ZNF385C: variants seen among roughly 807,000 people sequenced by gnomAD.
The protein encoded by ZNF385C is zinc finger protein 385C.
ZNF385C carries 28 observed loss-of-function variants against 35.4 expected under a neutral mutation model. That is an observed-to-expected ratio of 0.79 (90% CI 0.59 to 1.08). ZNF385C has a LOEUF of 1.08. ZNF385C is among the 50% of genes least tolerant of loss of function. The pLI is 0.00. For synonymous variants in ZNF385C, 248 were observed against 248.2 expected, an observed-to-expected ratio of 1.00 and a Z score of 0.01; for missense variants, 605 against 595.6, an observed-to-expected ratio of 1.02 and a Z score of -0.16.
rs2053910328 is a variant in ZNF385C, at chr17:42,095,644, G to A, written c.-3+2766C>T. 6.6e-6 allele frequency among the ~76,000 whole-genome samples: 1 copy of A among 152,068 alleles called. No homozygotes were observed. On this transcript the variant is annotated intron_variant, in intron 1 of 8. Transcript: ENST00000692273. The surrounding 1 kb of genome is among the most constrained non-coding windows in gnomAD (Gnocchi z 4.4). Reference sequence around the variant, plus strand: ...TTAAAAAAAAAATTGTCCCAGTTTTGTGGTGGATAATGAGGTCAGGAGGCC... The same window carrying A: ...TTAAAAAAAAAATTGTCCCAGTTTTATGGTGGATAATGAGGTCAGGAGGCC...
chr17:42,069,644 C>G (rs2053595887), intron 1 of ZNF385C, among the ~76,000 whole-genome samples: 2 of 152,246 alleles, frequency 1.3e-5, no homozygotes. Flanking sequence ...TGTCAGCCAA[C>G]AGCCACCCTC....
At chr17:42,083,209 T>G (rs1028792022) in intron 1 of ZNF385C, among the ~76,000 whole-genome samples, 17 of 143,178 alleles carry the variant, frequency 1.2e-4, no homozygotes, top group African/African-American at 3.7e-4. Flanking sequence ...TGTTTTTTTG[T>G]TTTTTTTTTT....
intron 2 of ZNF385C, chr17:42,062,087 G>A (rs2053470484): frequency 6.5e-6 from 1 of 152,936 alleles, no homozygotes; most frequent in Non-Finnish European, 1.5e-5. Flanking sequence ...CCAGGAGCCA[G>A]GGGTAAGTTC....
chr17:42,086,004 G>A lies in ZNF385C; in HGVS notation c.-3+12406C>T, dbSNP rs149639854. Among the ~76,000 whole-genome samples the A allele has an allele frequency of 5.9e-4, 90 of 152,340 alleles. 1 individual carries two copies. The East Asian group carries it at 0.015, about 25-fold the overall frequency. The stretch of plus-strand genomic sequence containing the variant: ...GATTGCTTGAGCCAGGGAGGTTGAG[G>A]CTGCAGTGAGCCATGATTGTGCCAT... On this transcript the variant is annotated intron_variant, in intron 1 of 8. Coordinates refer to ENST00000692273, the MANE Select transcript of ZNF385C (RefSeq NM_001392013.1).
intron 1 of ZNF385C, among the ~76,000 whole-genome samples, chr17:42,096,382 C>T (rs1170029926): frequency 2.6e-5 from 4 of 152,194 alleles, no homozygotes; most frequent in African/African-American, 4.8e-5. Context: ...CTCATCCCCT[C>T]GGCCCTGCTG....
intron 2 of ZNF385C, among the ~76,000 whole-genome samples, chr17:42,057,499 C>CGTGTGTGT (rs202100946): frequency 0.024 from 3,122 of 131,690 alleles, 117 homozygotes; most frequent in Non-Finnish European, 0.032. Context: ...TAGGGGTGTG[C>CGTGTGTGT]GCGCGCGCGC....
chr17:42,045,340 C>T (rs532366511), intron 2 of ZNF385C, among the ~76,000 whole-genome samples: 26 of 152,390 alleles, frequency 1.7e-4, no homozygotes, highest in African/African-American at 6.0e-4. Flanking sequence ...CGTGCGCCAC[C>T]GCGCCTGGCC....
chr17:42,039,851 GC>G (rs1555655901), intron 2 of ZNF385C: 2 of 1,223,410 alleles, frequency 1.6e-6, no homozygotes, highest in Non-Finnish European at 2.0e-6. Context: ...GCCCCACTCT[GC>G]CCCCACCACC....
intron 2 of ZNF385C, chr17:42,040,097 G>A (rs948354510): frequency 2.5e-5 from 31 of 1,231,190 alleles, no homozygotes; most frequent in South Asian, 4.1e-5. Context: ...GCAAAGCCGC[G>A]CAGCAGCACC....
rs182608815 is a variant in ZNF385C, at chr17:42,029,058, G to A, written c.692C>T (p.Pro231Leu). Residue 231 changes from proline to leucine, a missense_variant, in exon 6 of 9, where the codon CCT becomes CTT. Pro to Leu is a moderately conservative substitution (Grantham distance 98). Coordinates refer to ENST00000692273, the MANE Select transcript of ZNF385C (RefSeq NM_001392013.1). Reference protein sequence around the residue: ...EPQSKVPAAPPLGPPLQPPPT... With the variant: ...EPQSKVPAAPLLGPPLQPPPT... Reference sequence around the variant, plus strand: ...TGGTGGCTGGAGTGGAGGCCCAAGAGGAGGGGCTGCAGGAACTGCTGCAGA... The same window carrying A: ...TGGTGGCTGGAGTGGAGGCCCAAGAAGAGGGGCTGCAGGAACTGCTGCAGA... 178 of 1,549,510 alleles carry A rather than the reference G, an allele frequency of 1.1e-4. No individual in the cohort carries two copies. In the African/African-American group the frequency reaches 2.2e-3, roughly 19 times the overall value.
chr17:42,072,599 C>G (rs988480068), intron 1 of ZNF385C, among the ~76,000 whole-genome samples: 4 of 151,996 alleles, frequency 2.6e-5, no homozygotes, highest in Admixed American at 2.6e-4. Context: ...TGCGTCCAGC[C>G]GCTCGCGGCC....
chr17:42,061,120 A>AT (rs1429440408), intron 2 of ZNF385C: 8 of 151,718 alleles, frequency 5.3e-5, no homozygotes, highest in Non-Finnish European at 1.2e-4. Flanking sequence ...TGACAGGCAG[A>AT]TATGATGTCT....
intron 1 of ZNF385C, among the ~76,000 whole-genome samples, chr17:42,082,803 C>T (rs978025686): frequency 5.3e-5 from 8 of 152,056 alleles, no homozygotes; most frequent in Non-Finnish European, 2.9e-5. Flanking sequence ...CAAGGCCAGG[C>T]GCGGTGGCTT....
At chr17:42,034,563 T>TTGAGCTC (rs2052800017) in intron 3 of ZNF385C, among the ~76,000 whole-genome samples, 1 of 151,546 alleles carries the variant, frequency 6.6e-6, no homozygotes, top group Admixed American at 6.6e-5. Context: ...GCAGATCACC[T>TTGAGCTC]CAGGTTGGGA....
At chr17:42,084,602 A>G (rs754884057) in intron 1 of ZNF385C, among the ~76,000 whole-genome samples, 1 of 151,992 alleles carries the variant, frequency 6.6e-6, no homozygotes, top group Non-Finnish European at 1.5e-5. Context: ...TATATTATCA[A>G]TGATAATTTT....
In ZNF385C at chr17:42,029,120, C is replaced by T. The variant is rs1372620130; in HGVS notation, c.677-47G>A. 11 of 1,517,290 alleles carry T rather than the reference C, an allele frequency of 7.2e-6. No homozygotes were observed. The Admixed American group carries it at 2.2e-4, about 30-fold the overall frequency. The allele number at this position is 1,517,290 out of a possible 1,614,324, so 94.0% of individuals were successfully genotyped here. A position where few individuals can be genotyped will look rare whatever the true frequency, so the allele number is the denominator to read the frequency against. On this transcript the variant is annotated intron_variant, in intron 5 of 8. Transcript: ENST00000692273. The stretch of plus-strand genomic sequence containing the variant: ...GTGAGACCCAAGATGACGCTGCAGA[C>T]CACGATCTTCAGCTCTGACCATGGA...
Position 42,027,691 on chromosome 17 carries a change from C to T in ZNF385C, c.1202G>A (p.Gly401Glu), listed in dbSNP as rs782199531. The T allele has an allele frequency of 1.9e-6, 3 of 1,612,816 alleles. No individual in the cohort carries two copies. The highest frequency in any genetic ancestry group is 1.1e-5 in the South Asian group (1 of 90,998). The change falls in exon 8 of 9, where the codon GGG becomes GAG. Residue 401 changes from glycine (G) to glutamate (E), a missense_variant. Transcript: ENST00000692273. Reference protein sequence around the residue: ...SSRRHKDRLAGKTPKPSSQHS... With the variant: ...SSRRHKDRLAEKTPKPSSQHS... ...CTGGCTGGAGGGCTTGGGGGTCTTC[C>T]CGGCCAGGCGGTCTTTGTGCCTCCT...
intron 2 of ZNF385C, among the ~76,000 whole-genome samples, chr17:42,056,653 C>T (rs782461988): frequency 6.6e-6 from 1 of 152,134 alleles, no homozygotes; most frequent in Non-Finnish European, 1.5e-5. Flanking sequence ...CCATAATTCC[C>T]TCATGTTGTG....
chr17:42,042,017 A>G (rs1555656173), intron 2 of ZNF385C, among the ~76,000 whole-genome samples: 1 of 152,214 alleles, frequency 6.6e-6, no homozygotes, highest in Non-Finnish European at 1.5e-5. Flanking sequence ...AAGTTGAAAC[A>G]CATTCGAGTT....
Sources: gnomAD v4.1 joint callset for allele counts (sites outside exome capture counted in the v4.1 genomes callset) on GRCh38, gnomAD v4.1.1 for gene constraint, Gnocchi (gnomAD v3.1) non-coding constraint, MANE v1.5 for transcripts, NCBI Gene and HGNC (gene_info 2026-07-23, HGNC 2026-07-21) for gene names.